The following AUH variants were observed in gnomAD, a reference collection of about 807,000 sequenced individuals.
AUH encodes methylglutaconyl-CoA hydratase, mitochondrial.
A neutral mutation model predicts 42.3 loss-of-function variants in AUH; 29 were observed. The ratio of observed to expected loss-of-function variants is 0.69; its 90% CI spans 0.51 to 0.93. AUH has a LOEUF of 0.93. Among genes scored for constraint, AUH ranks in the 40% least tolerant of loss-of-function variants. AUH has a pLI of 0.00. For missense variants in AUH, 452 were observed against 438.1 expected, an observed-to-expected ratio of 1.03 and a Z score of -0.28; for synonymous variants, 174 against 166.4, an observed-to-expected ratio of 1.05 and a Z score of -0.35.
At chr9:91,284,844 A>T (rs1490065212) in intron 6 of AUH, among the ~76,000 whole-genome samples, 1 of 152,164 alleles carries the variant, frequency 6.6e-6, no homozygotes, top group East Asian at 1.9e-4. Context: ...AAATAGGAAC[A>T]CTTTTACACT....
intron 6 of AUH, among the ~76,000 whole-genome samples, chr9:91,242,951 A>G (rs1343067561): frequency 6.6e-6 from 1 of 152,238 alleles, no homozygotes; most frequent in African/African-American, 2.4e-5. Flanking sequence ...ATGAAAATTT[A>G]AAGATTCTGG....
intron 6 of AUH, among the ~76,000 whole-genome samples, chr9:91,276,407 T>C (rs895497925): frequency 3.8e-4 from 54 of 141,868 alleles, no homozygotes; most frequent in African/African-American, 1.4e-3. Flanking sequence ...AGTAAGACCC[T>C]GTCTCCCAAA....
intron 6 of AUH, among the ~76,000 whole-genome samples, chr9:91,222,209 A>G (rs1827171048): frequency 6.6e-6 from 1 of 152,238 alleles, no homozygotes; most frequent in Non-Finnish European, 1.5e-5. Flanking sequence ...AAGCAAAATC[A>G]TTTTTTGTTC....
intron 3 of AUH, among the ~76,000 whole-genome samples, chr9:91,354,381 T>A (rs943063425): frequency 1.3e-5 from 2 of 152,202 alleles, no homozygotes; most frequent in South Asian, 2.1e-4. Flanking sequence ...GTAAATAGAT[T>A]AAATTAACTT....
chr9:91,296,979 C>T (rs1234620424), intron 5 of AUH, among the ~76,000 whole-genome samples: 2 of 152,210 alleles, frequency 1.3e-5, no homozygotes, highest in Non-Finnish European at 2.9e-5. Flanking sequence ...ACATCAGAAA[C>T]GATAATGGAA....
chr9:91,311,229 ATT>A (rs1828678376), intron 4 of AUH, among the ~76,000 whole-genome samples: 1 of 150,790 alleles, frequency 6.6e-6, no homozygotes, highest in Non-Finnish European at 1.5e-5. Context: ...AAATTAAATT[ATT>A]TCTTTCTATA....
At chr9:91,289,608 A>G (rs150697511) in intron 6 of AUH, among the ~76,000 whole-genome samples, 364 of 152,356 alleles carry the variant, frequency 2.4e-3, no homozygotes, top group Admixed American at 4.2e-3. Context: ...ACAACATTTA[A>G]CAGAAATGTT....
At chr9:91,256,212 T>TA (rs759780110) in intron 6 of AUH, among the ~76,000 whole-genome samples, 4 of 152,174 alleles carry the variant, frequency 2.6e-5, no homozygotes, top group Non-Finnish European at 4.4e-5. Flanking sequence ...TGGCATAAAA[T>TA]AACACTTCAT....
In AUH at chr9:91,220,962, C is replaced by G; in HGVS notation, c.686G>C (p.Gly229Ala). 6.2e-7 allele frequency: 1 copy of G among 1,614,180 alleles called. No individual in the cohort carries two copies. The highest frequency in any genetic ancestry group is 8.5e-7 in the Non-Finnish European group (1 of 1,180,038). The change falls in exon 7 of 10, where the codon GGA becomes GCA. Residue 229 changes from glycine (G) to alanine (A), a missense_variant. Transcript: ENST00000375731. Reference protein sequence around the residue: ...GGTQRLPRAIGMSLAKELIFS... With the variant: ...GGTQRLPRAIAMSLAKELIFS... ...TATGAGCTCCTTGGCCAGGGACATT[C>G]CAATGGCGCGTGGCAATCGCTGTGT...
intron 3 of AUH, among the ~76,000 whole-genome samples, chr9:91,328,938 C>T (rs1264288152): frequency 6.6e-6 from 1 of 152,146 alleles, no homozygotes; most frequent in Non-Finnish European, 1.5e-5. Context: ...TCCCTGTTTC[C>T]ATCCCAGCAC....
intron 3 of AUH, among the ~76,000 whole-genome samples, chr9:91,338,604 T>C (rs544459048): frequency 6.6e-6 from 1 of 152,346 alleles, no homozygotes; most frequent in South Asian, 2.1e-4. Flanking sequence ...CTAATTTTTG[T>C]ATTTTTAGTA....
rs1182960904 is a variant in AUH, at chr9:91,361,726, AC to A, written c.163del (p.Val55TyrfsTer17). 6.5e-7 allele frequency: 1 copy of A among 1,549,296 alleles called. No homozygotes were observed. Among genetic ancestry groups the A allele is most frequent in the Non-Finnish European group, 8.7e-7 (1 of 1,146,916 alleles). On this transcript the variant is annotated frameshift_variant, in exon 1 of 10. Coordinates refer to ENST00000375731, the MANE Select transcript of AUH (RefSeq NM_001698.3). LOFTEE classifies it high-confidence loss of function. ...AGPAIWAQGW[V>X]PAAGGPAPKR... is the part of the protein sequence containing the mutation. ...CGGGGCGGGACCCCCGGCCGCAGGT[AC>A]CCAGCCCTGGGCCCAGATCGCCGGG...
chr9:91,345,559 C>T lies in AUH; in HGVS notation c.418+10324G>A, dbSNP rs571143074. On this transcript the variant is annotated intron_variant, in intron 3 of 9. Coordinates refer to ENST00000375731, the MANE Select transcript of AUH (RefSeq NM_001698.3). Reference sequence around the variant, plus strand: ...TTAAAAATACCCAGAGAAGGCCAGGCGTGGTGGCTCACGCCTGTAATCCCA... The same window carrying T: ...TTAAAAATACCCAGAGAAGGCCAGGTGTGGTGGCTCACGCCTGTAATCCCA... 1.3e-4 allele frequency among the ~76,000 whole-genome samples: 20 copies of T among 152,166 alleles called. No individual in the cohort carries two copies. The East Asian group carries it at 3.3e-3, about 25-fold the overall frequency.
At chr9:91,283,814 A>G (rs1206089058) in intron 6 of AUH, among the ~76,000 whole-genome samples, 3 of 152,214 alleles carry the variant, frequency 2.0e-5, no homozygotes, top group African/African-American at 7.2e-5. Context: ...ATAAAAGAGG[A>G]CACAAACAAA....
chr9:91,261,334 T>C (rs901968809), intron 6 of AUH, among the ~76,000 whole-genome samples: 3 of 152,234 alleles, frequency 2.0e-5, no homozygotes, highest in African/African-American at 7.2e-5. Flanking sequence ...AGAGAATTCT[T>C]TATTTTAAGG....
chr9:91,320,996 CTTTTG>C (rs1829527446), intron 4 of AUH, among the ~76,000 whole-genome samples: 1 of 152,108 alleles, frequency 6.6e-6, no homozygotes, highest in Non-Finnish European at 1.5e-5. Context: ...TATCTTGAGA[CTTTTG>C]TTTTTAAGTG....
At chr9:91,330,385 AAATT>A (rs1265760763) in intron 3 of AUH, among the ~76,000 whole-genome samples, 42 of 152,218 alleles carry the variant, frequency 2.8e-4, no homozygotes, top group Admixed American at 2.5e-3. Flanking sequence ...AATTCTCTCC[AAATT>A]AATAGATTAA....
At chr9:91,275,437 T>C (rs1029990192) in intron 6 of AUH, among the ~76,000 whole-genome samples, 17 of 152,366 alleles carry the variant, frequency 1.1e-4, no homozygotes, top group Admixed American at 1.1e-3. Flanking sequence ...AGAGGAGCTC[T>C]ATGGTGATTT....
At chr9:91,327,181 C>T (rs1587865433) in intron 3 of AUH, among the ~76,000 whole-genome samples, 1 of 152,176 alleles carries the variant, frequency 6.6e-6, no homozygotes, top group Non-Finnish European at 1.5e-5. Flanking sequence ...ATATACTCCG[C>T]CCTGCCTCCT....
Sources: allele counts gnomAD v4.1 joint callset (sites outside exome capture counted in the v4.1 genomes callset), GRCh38; gene constraint gnomAD v4.1.1; transcripts MANE v1.5; gene names NCBI Gene and HGNC (gene_info 2026-07-23, HGNC 2026-07-21).